The following ANXA10 variants were observed in gnomAD, a reference collection of about 807,000 sequenced individuals.
ANXA10 encodes annexin 14.
In ANXA10, 49 loss-of-function variants were observed where a neutral mutation model predicts 53.5. The ratio of observed to expected loss-of-function variants is 0.92; its 90% CI spans 0.73 to 1.16. The LOEUF is 1.16. ANXA10 is among the 50% of genes most tolerant of loss of function. ANXA10 has a pLI of 0.00. For missense variants in ANXA10, 393 were observed against 394.4 expected, an observed-to-expected ratio of 1.00 and a Z score of 0.03; for synonymous variants, 131 against 128.9, an observed-to-expected ratio of 1.02 and a Z score of -0.11.
chr4:168,096,926 A>ATATATATATATATATATG (rs371811709), intron 1 of ANXA10, among the ~76,000 whole-genome samples: 11,685 of 129,198 alleles, frequency 0.09, 649 homozygotes, highest in Non-Finnish European at 0.12. Context: ...ATATATATAT[A>ATATATATATATATATATG]TATGTATGTA....
rs893645189 is a variant in ANXA10, at chr4:168,123,443, A to G, written c.19-4641A>G. Among the ~76,000 whole-genome samples the G allele has an allele frequency of 5.9e-5, 9 of 152,224 alleles. 1 individual carries two copies. In the South Asian group the frequency reaches 1.7e-3, roughly 28 times the overall value. ...GAAAAATTACTGAGATTAAGCATCA[A>G]GAGTAGAGGGTTGATTCTGGTTTAA... On this transcript the variant is annotated intron_variant, in intron 1 of 11. Coordinates refer to ENST00000359299, the MANE Select transcript of ANXA10 (RefSeq NM_007193.5).
chr4:168,165,218 T>C, intron 5 of ANXA10, 29 bp from the exon 6 acceptor site: 1 of 1,401,860 alleles, frequency 7.1e-7, no homozygotes, highest in Non-Finnish European at 9.9e-7. Flanking sequence ...CTATAATAAA[T>C]CATACCTTTA....
chr4:168,131,968 C>T (rs567287096), intron 2 of ANXA10, among the ~76,000 whole-genome samples: 33 of 152,032 alleles, frequency 2.2e-4, no homozygotes, highest in Non-Finnish European at 4.3e-4. Flanking sequence ...AAAAGACAGA[C>T]AATAACAAAT....
At chr4:168,187,322 T>G (rs1222541860) in intron 11 of ANXA10, 44 bp from the exon 12 acceptor site, 5 of 1,298,278 alleles carry the variant, frequency 3.9e-6, no homozygotes, top group Middle Eastern at 2.4e-4. Flanking sequence ...TTTTTAGAAC[T>G]ATTATGATAT....
intron 1 of ANXA10, among the ~76,000 whole-genome samples, chr4:168,098,589 AAT>A (rs201555423): frequency 0.048 from 7,379 of 152,238 alleles, 239 homozygotes; most frequent in South Asian, 0.067. Context: ...GCTTCTTCTA[AAT>A]AGTCTCCAGC....
intron 6 of ANXA10, among the ~76,000 whole-genome samples, chr4:168,171,850 T>A (rs1015200575): frequency 6.6e-6 from 1 of 152,200 alleles, no homozygotes; most frequent in African/African-American, 2.4e-5. Flanking sequence ...CAAATCACAC[T>A]GGAGATGATA....
chr4:168,153,346 T>TCCCCATCC (rs1305626017), intron 3 of ANXA10, among the ~76,000 whole-genome samples: 1 of 147,376 alleles, frequency 6.8e-6, no homozygotes, highest in Non-Finnish European at 1.5e-5. Context: ...GAAAGGGCCT[T>TCCCCATCC]CCCCATCCCT....
intron 1 of ANXA10, among the ~76,000 whole-genome samples, chr4:168,121,610 A>T (rs1730986174): frequency 6.6e-6 from 1 of 152,226 alleles, no homozygotes; most frequent in South Asian, 2.1e-4. Flanking sequence ...AAATAATTAA[A>T]TGCTTAGAGC....
chr4:168,185,194 A>G (rs1235561250), intron 11 of ANXA10, among the ~76,000 whole-genome samples: 1 of 152,180 alleles, frequency 6.6e-6, no homozygotes, highest in Non-Finnish European at 1.5e-5. Context: ...CCTTTACCTC[A>G]GCGACAGAAC....
chr4:168,132,246 G>C (rs1198084367), intron 2 of ANXA10, among the ~76,000 whole-genome samples: 2 of 151,984 alleles, frequency 1.3e-5, no homozygotes, highest in African/African-American at 4.8e-5. Context: ...CAGATGAATG[G>C]ATAAGGAAAA....
At chr4:168,169,182 C>T (rs1260450553) in intron 6 of ANXA10, among the ~76,000 whole-genome samples, 2 of 152,142 alleles carry the variant, frequency 1.3e-5, no homozygotes, top group East Asian at 1.9e-4. Context: ...AAAATAATCT[C>T]GATTGACAAG....
At chr4:168,152,070 C>A (rs1731507150) in intron 3 of ANXA10, among the ~76,000 whole-genome samples, 1 of 152,158 alleles carries the variant, frequency 6.6e-6, no homozygotes, top group Admixed American at 6.5e-5. Flanking sequence ...AGAAAACAGA[C>A]CAACAGCTCT....
intron 4 of ANXA10, among the ~76,000 whole-genome samples, chr4:168,163,798 T>C (rs76958914): frequency 0.01 from 1,543 of 152,190 alleles, 12 homozygotes; most frequent in Non-Finnish European, 0.017. Context: ...TAAAATATTC[T>C]CGGCAAATTA....
At chr4:168,112,162 G>A (rs1334074577) in intron 1 of ANXA10, among the ~76,000 whole-genome samples, 1 of 152,056 alleles carries the variant, frequency 6.6e-6, no homozygotes, top group Non-Finnish European at 1.5e-5. Flanking sequence ...CGGGCGTGGT[G>A]GCATTCACTT....
intron 9 of ANXA10, among the ~76,000 whole-genome samples, chr4:168,179,974 AG>A (rs1438208531): frequency 5.3e-5 from 8 of 152,220 alleles, no homozygotes; most frequent in Admixed American, 5.2e-4. Context: ...GGACGACCAA[AG>A]GGGATCATTA....
chr4:168,164,824 T>C (rs1731846154), intron 5 of ANXA10, among the ~76,000 whole-genome samples: 2 of 152,152 alleles, frequency 1.3e-5, no homozygotes, highest in African/African-American at 4.8e-5. Context: ...GTCAAGAAAA[T>C]GTTGCGGACA....
chr4:168,167,556 A>T (rs970130404), intron 6 of ANXA10, among the ~76,000 whole-genome samples: 1 of 152,176 alleles, frequency 6.6e-6, no homozygotes, highest in African/African-American at 2.4e-5. Flanking sequence ...CCACTTTCAT[A>T]GCAGCTCAAC....
At chr4:168,168,612 G>A (rs780605121) in intron 6 of ANXA10, among the ~76,000 whole-genome samples, 123 of 152,020 alleles carry the variant, frequency 8.1e-4, no homozygotes, top group Non-Finnish European at 1.4e-3. Context: ...GTAGAGACGC[G>A]GTTTCACCAT....
In ANXA10 at chr4:168,160,903, GTTGT is replaced by G. The variant is rs879845711; in HGVS notation, c.196-1618_196-1615del. On this transcript the variant is annotated intron_variant, in intron 3 of 11. Coordinates refer to ENST00000359299, the MANE Select transcript of ANXA10 (RefSeq NM_007193.5). ...CATATTTTTCCCACTTTTTAATGGG[GTTGT>G]TTGTTTCCTGTAAATTTGCTTAAGT... Among the ~76,000 whole-genome samples the G allele has an allele frequency of 1.4e-4, 21 of 152,140 alleles. No individual in the cohort carries two copies. In the East Asian group the frequency reaches 2.1e-3, roughly 15 times the overall value.
Sources: allele counts gnomAD v4.1 joint callset (sites outside exome capture counted in the v4.1 genomes callset), GRCh38; gene constraint gnomAD v4.1.1; transcripts MANE v1.5; gene names NCBI Gene and HGNC (gene_info 2026-07-23, HGNC 2026-07-21).